Variants in DPP6 observed in about 807,000 individuals in gnomAD.
DPP6 encodes the protein A-type potassium channel modulatory protein DPP6.
A neutral mutation model predicts 122.6 loss-of-function variants in DPP6; 69 were observed. That is an observed-to-expected ratio of 0.56 (90% CI 0.46 to 0.69). The LOEUF (loss-of-function observed/expected upper bound fraction) is 0.69. DPP6 is among the 30% of genes least tolerant of loss of function. The probability of loss-of-function intolerance (pLI) is 0.00; values close to 1 mark genes in which losing one functional copy is unlikely to be tolerated. For synonymous variants in DPP6, 418 were observed against 433.1 expected (o/e 0.97, Z 0.43); for missense variants, 928 against 1,116.9 (o/e 0.83, Z 2.41).
At chr7:154,527,123 A>C (rs1035741133) in intron 3 of DPP6, among the ~76,000 whole-genome samples, 7 of 152,230 alleles carry the variant, frequency 4.6e-5, no homozygotes, top group African/African-American at 1.7e-4. Context: ...AAGAATAGTA[A>C]ATAAACCTCC....
intron 4 of DPP6, among the ~76,000 whole-genome samples, chr7:154,565,500 G>A (rs1415575533): frequency 6.6e-6 from 1 of 152,012 alleles, no homozygotes; most frequent in Non-Finnish European, 1.5e-5. Context: ...AGAAAACTAA[G>A]GTGCAGAGGA....
chr7:154,689,153 A>G (rs887476455), intron 7 of DPP6, among the ~76,000 whole-genome samples: 4 of 152,222 alleles, frequency 2.6e-5, no homozygotes, highest in Non-Finnish European at 5.9e-5. Flanking sequence ...GTGAAGATGC[A>G]ACCCTCGCCT....
chr7:153,771,901 CAAAGG>C, the DPP6 span, among the ~76,000 whole-genome samples: 23 of 152,004 alleles, frequency 1.5e-4, no homozygotes, highest in African/African-American at 4.8e-4. Context: ...TAAAAAGAAA[CAAAGG>C]AAAATAAAAT....
the DPP6 span, among the ~76,000 whole-genome samples, chr7:153,879,529 G>T: frequency 6.6e-6 from 1 of 151,992 alleles, no homozygotes; most frequent in Non-Finnish European, 1.5e-5. Flanking sequence ...AGCTGGGACT[G>T]CAGGTGCACG....
rs1175641409 is a variant in DPP6, at chr7:154,282,216, A to G, written c.244-163998A>G. On this transcript the variant is annotated intron_variant, in intron 1 of 25. Transcript: ENST00000377770. The surrounding 1 kb of genome is among the most constrained non-coding windows in gnomAD (Gnocchi z 4.8). ...CATTCTCTCTGTGGCCCCATAGAGA[A>G]GACTCCAATCTGTGGTTTTCATTGA... Among the ~76,000 whole-genome samples, 1 of 152,088 alleles carries G rather than the reference A, an allele frequency of 6.6e-6. No individual in the cohort carries two copies. Among genetic ancestry groups the G allele is most frequent in the Non-Finnish European group, 1.5e-5 (1 of 68,010 alleles).
chr7:154,759,465 A>G lies in DPP6; in HGVS notation c.884-9952A>G, dbSNP rs184691906. On this transcript the variant is annotated intron_variant, in intron 8 of 25. Transcript: ENST00000377770. ...CAAGGGGCAGCGGCAATAGGACGGA[A>G]GGGGACCACCCACGGGCTGGACTCT... Among the ~76,000 whole-genome samples, 23 of 152,314 alleles carry G rather than the reference A, an allele frequency of 1.5e-4. 1 individual carries two copies. Among genetic ancestry groups the G allele is most frequent in the Non-Finnish European group, 2.2e-4 (15 of 68,030 alleles).
chr7:154,663,780 C>T (rs1837934401), intron 6 of DPP6, among the ~76,000 whole-genome samples: 1 of 109,104 alleles, frequency 9.2e-6, no homozygotes, highest in African/African-American at 3.0e-5. Context: ...ATCACCATGG[C>T]GTATCGGCCA....
At chr7:154,250,997 C>T (rs909492941) in intron 1 of DPP6, among the ~76,000 whole-genome samples, 6 of 152,304 alleles carry the variant, frequency 3.9e-5, no homozygotes, top group East Asian at 1.9e-4. Context: ...ATGGACTTCC[C>T]GAAATTATGG....
chr7:154,864,372 C>T (rs866150872), intron 17 of DPP6, among the ~76,000 whole-genome samples: 10 of 152,120 alleles, frequency 6.6e-5, no homozygotes, highest in Admixed American at 1.3e-4. Context: ...TGGGACGCAG[C>T]GAGGGAAGCA....
At chr7:154,021,346 G>GC (rs1217727923) in intron 1 of DPP6, among the ~76,000 whole-genome samples, 1 of 152,140 alleles carries the variant, frequency 6.6e-6, no homozygotes, top group African/African-American at 2.4e-5. Context: ...AAGTCCTGCA[G>GC]CCATATGTAA....
At chr7:153,840,638 T>G in the DPP6 span, among the ~76,000 whole-genome samples, 9 of 152,354 alleles carry the variant, frequency 5.9e-5, no homozygotes, top group Admixed American at 1.3e-4. Flanking sequence ...GACTTTGAGA[T>G]GTAAAGAGAC....
chr7:154,204,830 T>C (rs1799355422), intron 1 of DPP6, among the ~76,000 whole-genome samples: 1 of 152,152 alleles, frequency 6.6e-6, no homozygotes, highest in African/African-American at 2.4e-5. Flanking sequence ...TACCTGCATG[T>C]GTTTATACCG....
intron 1 of DPP6, among the ~76,000 whole-genome samples, chr7:154,387,519 G>A (rs879626432): frequency 1.2e-4 from 18 of 152,218 alleles, no homozygotes; most frequent in Non-Finnish European, 2.1e-4. Flanking sequence ...CCAGGCCATG[G>A]ACATAGCATC....
chr7:154,650,422 T>C (rs569766920), intron 6 of DPP6, among the ~76,000 whole-genome samples: 56 of 152,264 alleles, frequency 3.7e-4, no homozygotes, highest in Non-Finnish European at 7.4e-4. Context: ...GTCTGTCTGT[T>C]GCTTAAAGGC....
intron 4 of DPP6, among the ~76,000 whole-genome samples, chr7:154,551,847 G>A (rs1261285593): frequency 6.6e-6 from 1 of 152,134 alleles, no homozygotes; most frequent in African/African-American, 2.4e-5. Context: ...AAGGGACAAA[G>A]TCTCTGAAGT....
At chr7:154,400,561 G>T (rs1316329233) in intron 1 of DPP6, among the ~76,000 whole-genome samples, 2 of 152,086 alleles carry the variant, frequency 1.3e-5, no homozygotes, top group South Asian at 2.1e-4. Context: ...TTTTTATTTG[G>T]TGCCAACCAG....
intron 1 of DPP6, among the ~76,000 whole-genome samples, chr7:153,998,317 A>T (rs961923347): frequency 8.5e-5 from 13 of 152,210 alleles, no homozygotes; most frequent in African/African-American, 3.1e-4. Flanking sequence ...TCTATATTTA[A>T]TTTCATGGTA....
rs538800453 is a variant in DPP6 at position 154,722,947 on chromosome 7, C to T, written c.763-4820C>T. ...TTGATGCCTTCCATCTTCTTTTCTTCAGATATCTTAATCTGAATATCAAAA... is the reference window on the plus strand; with the variant it reads ...TTGATGCCTTCCATCTTCTTTTCTTTAGATATCTTAATCTGAATATCAAAA... On this transcript the variant is annotated intron_variant, in intron 7 of 25. Transcript: ENST00000377770. Among the ~76,000 whole-genome samples the T allele has an allele frequency of 3.9e-5, 6 of 152,284 alleles. No homozygotes were observed. The South Asian group carries it at 1.2e-3, about 32-fold the overall frequency.
intron 1 of DPP6, among the ~76,000 whole-genome samples, chr7:153,923,984 A>G (rs1021917931): frequency 3.9e-5 from 6 of 152,094 alleles, no homozygotes; most frequent in Non-Finnish European, 8.8e-5. Context: ...AGACTCAAGA[A>G]CTGCTTTTCA....
Sources: gnomAD v4.1 joint callset for allele counts (sites outside exome capture counted in the v4.1 genomes callset) on GRCh38, gnomAD v4.1.1 for gene constraint, Gnocchi (gnomAD v3.1) non-coding constraint, MANE v1.5 for transcripts, NCBI Gene and HGNC (gene_info 2026-07-23, HGNC 2026-07-21) for gene names.